Variants in MERTK observed in about 807,000 individuals in gnomAD.
The protein encoded by MERTK is tyrosine-protein kinase Mer.
Under a neutral mutation model 99.3 loss-of-function variants are expected in MERTK, and 69 were observed. The ratio of observed to expected loss-of-function variants is 0.70; its 90% CI spans 0.57 to 0.85. The LOEUF (loss-of-function observed/expected upper bound fraction) is 0.85, where lower values mean the gene tolerates loss of function less well. Ranked by LOEUF, MERTK falls within the 40% of genes least tolerant of loss-of-function variation. MERTK has a pLI of 0.00. For synonymous variants in MERTK, 426 were observed against 467.6 expected (o/e 0.91, Z 1.15); for missense variants, 1,125 against 1,249.4 (o/e 0.90, Z 1.50).
chr2:111,989,038 A>G (rs1043505173), intron 8 of MERTK, among the ~76,000 whole-genome samples: 1 of 152,186 alleles, frequency 6.6e-6, no homozygotes, highest in African/African-American at 2.4e-5. Context: ...AGAGTCATAA[A>G]GGTTGGGCTA....
chr2:112,026,419 T>C (rs2104427988), intron 18 of MERTK, among the ~76,000 whole-genome samples: 1 of 152,268 alleles, frequency 6.6e-6, no homozygotes, highest in Non-Finnish European at 1.5e-5. Context: ...GGAGATTATG[T>C]CCCTAAGAAC....
chr2:111,915,855 A>G (rs1684341074), intron 1 of MERTK, among the ~76,000 whole-genome samples: 1 of 152,196 alleles, frequency 6.6e-6, no homozygotes, highest in Non-Finnish European at 1.5e-5. Context: ...AGATTGCACT[A>G]TTGCACTCTA....
chr2:112,002,523 G>A (rs1343218766), intron 11 of MERTK, among the ~76,000 whole-genome samples: 1 of 152,066 alleles, frequency 6.6e-6, no homozygotes, highest in Non-Finnish European at 1.5e-5. Context: ...CTGATTACCG[G>A]CTGCTGCTAC....
intron 6 of MERTK, among the ~76,000 whole-genome samples, chr2:111,973,608 G>A (rs939219202): frequency 7.9e-5 from 12 of 152,150 alleles, no homozygotes; most frequent in African/African-American, 2.9e-4. Context: ...ATTATTAACA[G>A]TAATACATTT....
chr2:111,937,368 C>T (rs980582992), intron 2 of MERTK, among the ~76,000 whole-genome samples: 4 of 152,136 alleles, frequency 2.6e-5, no homozygotes, highest in African/African-American at 9.7e-5. Flanking sequence ...GGGAGGATCG[C>T]TTGAGCCTCG....
intron 1 of MERTK, among the ~76,000 whole-genome samples, chr2:111,927,935 C>T (rs1465838371): frequency 6.6e-6 from 1 of 152,118 alleles, no homozygotes; most frequent in Non-Finnish European, 1.5e-5. Flanking sequence ...CTGTCTCACT[C>T]ACTCCCTCCC....
intron 5 of MERTK, among the ~76,000 whole-genome samples, chr2:111,965,791 G>A (rs1209688094): frequency 6.6e-6 from 1 of 152,096 alleles, no homozygotes; most frequent in Non-Finnish European, 1.5e-5. Flanking sequence ...AAAGCAAGAA[G>A]CAGATCACTC....
At chr2:111,901,691 G>A (rs2104656012) in intron 1 of MERTK, among the ~76,000 whole-genome samples, 1 of 150,590 alleles carries the variant, frequency 6.6e-6, no homozygotes, top group Admixed American at 6.7e-5. Flanking sequence ...AAGTAGCTAT[G>A]ACCACAGGCA....
intron 2 of MERTK, among the ~76,000 whole-genome samples, chr2:111,930,012 C>CA (rs1474637341): frequency 6.6e-6 from 1 of 152,160 alleles, no homozygotes; most frequent in African/African-American, 2.4e-5. Context: ...GGATAACTGA[C>CA]AGTGTGTGTT....
At chr2:112,018,503 GA>G (rs1479265441) in intron 15 of MERTK, among the ~76,000 whole-genome samples, 1 of 152,058 alleles carries the variant, frequency 6.6e-6, no homozygotes, top group Non-Finnish European at 1.5e-5. Context: ...TAAAATCATT[GA>G]AAATGCAATG....
chr2:111,969,517 A>G (rs1676037580), intron 6 of MERTK, among the ~76,000 whole-genome samples: 1 of 152,184 alleles, frequency 6.6e-6, no homozygotes, highest in South Asian at 2.1e-4. Flanking sequence ...TCATGCCAAC[A>G]CAGCTCAAAG....
chr2:111,963,655 G>A (rs1558788284), intron 4 of MERTK, among the ~76,000 whole-genome samples: 1 of 152,212 alleles, frequency 6.6e-6, no homozygotes, highest in Non-Finnish European at 1.5e-5. Context: ...CACAGCACAT[G>A]TTTCAGGGAG....
intron 4 of MERTK, among the ~76,000 whole-genome samples, chr2:111,958,498 T>C (rs1685188629): frequency 6.6e-6 from 1 of 152,232 alleles, no homozygotes; most frequent in Non-Finnish European, 1.5e-5. Context: ...GAAATTTACC[T>C]TTGGTTTGAA....
chr2:112,029,368 G>T lies in MERTK; in HGVS notation c.*504G>T. ...TTCCTAATAAAATATGAATAAGGAA[G>T]GATATGTTGAACTTACTTGAGACTT... On this transcript the variant is annotated 3_prime_UTR_variant, in exon 19 of 19. Transcript: ENST00000295408. 2.1e-6 allele frequency: 2 copies of T among 936,818 alleles called. No homozygotes were observed. The highest frequency in any genetic ancestry group is 2.5e-6 in the Non-Finnish European group (2 of 785,352). The allele number at this position is 936,818 out of a possible 1,614,324, so 58.0% of individuals were successfully genotyped here.
At chr2:111,942,809 C>T (rs934620893) in intron 2 of MERTK, among the ~76,000 whole-genome samples, 1 of 152,162 alleles carries the variant, frequency 6.6e-6, no homozygotes, top group African/African-American at 2.4e-5. Context: ...ACTCCTGGAT[C>T]CTGGGAACAG....
At chr2:111,931,650 C>T (rs1056606006) in intron 2 of MERTK, among the ~76,000 whole-genome samples, 18 of 150,828 alleles carry the variant, frequency 1.2e-4, no homozygotes, top group African/African-American at 3.7e-4. Context: ...TGCACCACTG[C>T]ACTCCAGCCT....
intron 8 of MERTK, among the ~76,000 whole-genome samples, chr2:111,992,362 G>C (rs1260902356): frequency 2.9e-5 from 4 of 137,374 alleles, no homozygotes; most frequent in African/African-American, 8.4e-5. Context: ...GGTTTCCAGA[G>C]GGTGGTGCAC....
Position 111,994,295 on chromosome 2 carries a change from G to T in MERTK, c.1341G>T (p.Arg447=). 1 of 1,614,154 alleles carries T rather than the reference G, an allele frequency of 6.2e-7. No homozygotes were observed. The highest frequency in any genetic ancestry group is 8.5e-7 in the Non-Finnish European group (1 of 1,180,046). ...TTGGCCAGAATGGCAGCCGAGCTCG[G>T]ATCTCTGTTCAAGTCCACAATGCTA... The part of the protein sequence containing the change: ...EEVGQNGSRA[R]ISVQVHNATC... Residue 447 remains arginine (R), a synonymous_variant, in exon 9 of 19, where the codon CGG becomes CGT. Coordinates refer to ENST00000295408, the MANE Select transcript of MERTK (RefSeq NM_006343.3).
chr2:111,950,945 G>T (rs947528326), intron 4 of MERTK, among the ~76,000 whole-genome samples: 3 of 151,852 alleles, frequency 2.0e-5, no homozygotes, highest in Non-Finnish European at 4.4e-5. Context: ...ATTTCTCTCA[G>T]CAATTTTTGT....
Sources: gnomAD v4.1 joint callset for allele counts (sites outside exome capture counted in the v4.1 genomes callset) on GRCh38, gnomAD v4.1.1 for gene constraint, MANE v1.5 for transcripts, NCBI Gene and HGNC (gene_info 2026-07-23, HGNC 2026-07-21) for gene names.